The following MRPS33 variants were observed in gnomAD, a reference collection of about 807,000 sequenced individuals.
MRPS33 encodes the protein mitochondrial ribosomal protein S33.
Under a neutral mutation model 11.2 loss-of-function variants are expected in MRPS33, and 11 were observed. The ratio of observed to expected loss-of-function variants is 0.99; its 90% CI spans 0.62 to 1.63. The LOEUF (loss-of-function observed/expected upper bound fraction) is 1.63. Among genes scored for constraint, MRPS33 ranks in the 40% most tolerant of loss-of-function variants. MRPS33 has a pLI of 0.00. For missense variants in MRPS33, 109 were observed against 127.8 expected, an observed-to-expected ratio of 0.85 and a Z score of 0.71; for synonymous variants, 46 against 44.0, an observed-to-expected ratio of 1.05 and a Z score of -0.18.
intron 2 of MRPS33, among the ~76,000 whole-genome samples, chr7:141,008,424 G>A (rs1407580730): frequency 2.6e-5 from 4 of 152,188 alleles, no homozygotes; most frequent in African/African-American, 9.7e-5. Flanking sequence ...AAGAGAGGTA[G>A]TCCCAAAGCA....
chr7:141,012,274 C>T (rs1820695242), intron 1 of MRPS33, among the ~76,000 whole-genome samples: 1 of 149,624 alleles, frequency 6.7e-6, no homozygotes, highest in African/African-American at 2.5e-5. Context: ...AATAGTGCCA[C>T]CTGAAGGCTG....
intron 1 of MRPS33, among the ~76,000 whole-genome samples, chr7:141,011,045 T>G (rs1401087213): frequency 6.6e-6 from 1 of 152,202 alleles, no homozygotes; most frequent in African/African-American, 2.4e-5. Flanking sequence ...CTAAGCAATC[T>G]GCAGCATTAA....
At chr7:141,006,625 C>A in intron 2 of MRPS33, 90 bp from the exon 3 acceptor site, 1 of 1,068,010 alleles carries the variant, frequency 9.4e-7, no homozygotes. Flanking sequence ...TTAGGTCATT[C>A]TGGTTATCGA....
intron 1 of MRPS33, among the ~76,000 whole-genome samples, chr7:141,013,538 CAT>C (rs376504091): frequency 5.9e-5 from 9 of 152,328 alleles, no homozygotes; most frequent in Admixed American, 2.6e-4. Context: ...TGCACAGACA[CAT>C]GTCTCTCACG....
At position 141,010,502 on chromosome 7, in the gene MRPS33, C is replaced by T; in HGVS notation, c.132G>A (p.Lys44=). 1 of 1,614,162 alleles carries T rather than the reference C, an allele frequency of 6.2e-7. No individual in the cohort carries two copies. Among genetic ancestry groups the T allele is most frequent in the African/African-American group, 1.3e-5 (1 of 75,030 alleles). The change falls in exon 2 of 3, where the codon AAG becomes AAA. Residue 44 remains lysine, a synonymous_variant. Coordinates refer to ENST00000324787, the MANE Select transcript of MRPS33 (RefSeq NM_053035.3). ...VKLFSELPLA[K]KKETYDWYPN... Reference sequence around the variant, plus strand: ...GATACCAATCATAAGTCTCCTTCTTCTTGGCCAAGGGCAGTTCACTAAACA... The same window carrying T: ...GATACCAATCATAAGTCTCCTTCTTTTTGGCCAAGGGCAGTTCACTAAACA...
At chr7:141,013,864 A>C (rs1040788172) in intron 1 of MRPS33, among the ~76,000 whole-genome samples, 8 of 152,348 alleles carry the variant, frequency 5.3e-5, no homozygotes, top group African/African-American at 1.9e-4. Flanking sequence ...TATTTCAATA[A>C]GTGGCTTTGT....
Position 141,005,558 on chromosome 7 carries a change from G to T in MRPS33, c.*872C>A, listed in dbSNP as rs1345447032. ...TAGTAGGTGGGGTTTCACCATGTTGGCCAAAATGGTCTCGATCTCTTGACC... is the reference window on the plus strand; with the variant it reads ...TAGTAGGTGGGGTTTCACCATGTTGTCCAAAATGGTCTCGATCTCTTGACC... On this transcript the variant is annotated 3_prime_UTR_variant, in exon 3 of 3. Transcript: ENST00000324787. 4 of 152,062 alleles carry T rather than the reference G, an allele frequency of 2.6e-5. No homozygotes were observed. Among genetic ancestry groups the T allele is most frequent in the African/African-American group, 9.7e-5 (4 of 41,394 alleles). 9.4% of individuals were successfully genotyped at this position (152,062 alleles called of 1,614,324 possible).
chr7:141,006,510 C>T lies in MRPS33; in HGVS notation c.241G>A (p.Glu81Lys). 6.8e-6 allele frequency: 11 copies of T among 1,613,842 alleles called. No individual in the cohort carries two copies. The highest frequency in any genetic ancestry group is 9.3e-6 in the Non-Finnish European group (11 of 1,180,000). Residue 81 changes from glutamate (E) to lysine (K), a missense_variant, in exon 3 of 3, where the codon GAG becomes AAG. Coordinates refer to ENST00000324787, the MANE Select transcript of MRPS33 (RefSeq NM_053035.3). Reference protein sequence around the residue: ...YRDEHQDFMDEQKRLKKLRGK... With the variant: ...YRDEHQDFMDKQKRLKKLRGK... Reference sequence around the variant, plus strand: ...CGAAGCTTCTTTAGTCGTTTTTGCTCATCCATAAAATCCTGATGCTCATCT... The same window carrying T: ...CGAAGCTTCTTTAGTCGTTTTTGCTTATCCATAAAATCCTGATGCTCATCT...
rs1276547971 is a variant in MRPS33, at chr7:141,003,404, T to G, written c.*3026A>C. The G allele has an allele frequency of 1.3e-5, 2 of 152,230 alleles. No homozygotes were observed. The highest frequency in any genetic ancestry group is 3.8e-4 in the East Asian group (2 of 5,204). The allele number at this position is 152,230 out of a possible 1,614,324, so 9.4% of individuals were successfully genotyped here. Reference sequence around the variant, plus strand: ...GTACTTCTGTACAGGCTGTTTTGAGTCACACAGCTTGCTCTATCAATTGAA... The same window carrying G: ...GTACTTCTGTACAGGCTGTTTTGAGGCACACAGCTTGCTCTATCAATTGAA... On this transcript the variant is annotated 3_prime_UTR_variant, in exon 3 of 3. Transcript: ENST00000324787.
intron 1 of MRPS33, among the ~76,000 whole-genome samples, chr7:141,011,927 C>T (rs1314108058): frequency 2.0e-5 from 3 of 151,324 alleles, no homozygotes; most frequent in Non-Finnish European, 1.5e-5. Context: ...GTGGGAGGAT[C>T]GCTTGAGGTC....
intron 1 of MRPS33, among the ~76,000 whole-genome samples, chr7:141,013,150 A>G (rs1200240493): frequency 6.6e-6 from 1 of 152,184 alleles, no homozygotes. Context: ...CTCATTTACA[A>G]AGACTGACAG....
chr7:141,005,059 T>C lies in MRPS33; in HGVS notation c.*1371A>G, dbSNP rs1368887908. On this transcript the variant is annotated 3_prime_UTR_variant, in exon 3 of 3. Transcript: ENST00000324787. ...ACTGTGCCCGGCCAAGCCTTCACAA[T>C]TTCTTTGGAAACTCATTGCTGGAAT... The C allele has an allele frequency of 6.6e-6, 1 of 152,272 alleles. No individual in the cohort carries two copies. Among genetic ancestry groups the C allele is most frequent in the East Asian group, 1.9e-4 (1 of 5,200 alleles). 9.4% of individuals were successfully genotyped at this position (152,272 alleles called of 1,614,324 possible). A position where few individuals can be genotyped will look rare whatever the true frequency, so the allele number is the denominator to read the frequency against.
At chr7:141,014,183 C>T (rs1351589640) in intron 1 of MRPS33, among the ~76,000 whole-genome samples, 1 of 152,206 alleles carries the variant, frequency 6.6e-6, no homozygotes, top group Non-Finnish European at 1.5e-5. Flanking sequence ...CGAGGACAGT[C>T]ATACTATCTG....
At position 141,005,086 on chromosome 7, in the gene MRPS33, C is replaced by T. The variant is rs1371586894; in HGVS notation, c.*1344G>A. ...TCTTTGGAAACTCATTGCTGGAATA[C>T]AATAAAACCAGCAGCGAGCTACTCA... On this transcript the variant is annotated 3_prime_UTR_variant, in exon 3 of 3. Transcript: ENST00000324787. 2.0e-5 allele frequency: 3 copies of T among 152,188 alleles called. No individual in the cohort carries two copies. Among genetic ancestry groups the T allele is most frequent in the African/African-American group, 7.2e-5 (3 of 41,422 alleles). 9.4% of individuals were successfully genotyped at this position (152,188 alleles called of 1,614,324 possible). A position where few individuals can be genotyped will look rare whatever the true frequency, so the allele number is the denominator to read the frequency against.
chr7:141,012,312 T>C (rs1237221865), intron 1 of MRPS33, among the ~76,000 whole-genome samples: 1 of 151,804 alleles, frequency 6.6e-6, no homozygotes, highest in African/African-American at 2.4e-5. Flanking sequence ...AGATCCAACG[T>C]CCACCCCTCC....
chr7:141,005,870 G>T lies in MRPS33; in HGVS notation c.*560C>A, dbSNP rs17624491. The T allele has an allele frequency of 6.6e-6, 1 of 152,658 alleles. No individual in the cohort carries two copies. Among genetic ancestry groups the T allele is most frequent in the Non-Finnish European group, 1.5e-5 (1 of 68,458 alleles). The allele number at this position is 152,658 out of a possible 1,614,324, so 9.5% of individuals were successfully genotyped here. ...GGAGTATTTCTCTTGCTAACCACGT[G>T]TATTACCAGGGCCCCAATATCTTGT... On this transcript the variant is annotated 3_prime_UTR_variant, in exon 3 of 3. Transcript: ENST00000324787.
chr7:141,010,939 T>G (rs1820661272), intron 1 of MRPS33, among the ~76,000 whole-genome samples: 1 of 152,216 alleles, frequency 6.6e-6, no homozygotes, highest in African/African-American at 2.4e-5. Context: ...GGTTATTTAC[T>G]GACAGTCAGT....
chr7:141,010,541 C>A lies in MRPS33; in HGVS notation c.93G>T (p.Met31Ile). Residue 31 changes from methionine to isoleucine, a missense_variant, in exon 2 of 3, where the codon ATG (methionine) becomes ATT (isoleucine). Transcript: ENST00000324787. ...EVTRPTNSKSMKVVKLFSELP... is the reference protein window; with the variant it reads ...EVTRPTNSKSIKVVKLFSELP... ...GTTCACTAAACAGTTTCACCACTTT[C>A]ATAGACTTGGAATTAGTAGGCCTGG... 2 of 1,614,192 alleles carry A rather than the reference C, an allele frequency of 1.2e-6. No homozygotes were observed. The highest frequency in any genetic ancestry group is 1.7e-6 in the Non-Finnish European group (2 of 1,180,030).
rs1400211611 is a variant in MRPS33 at position 141,004,292 on chromosome 7, T to C, written c.*2138A>G. 6 of 152,162 alleles carry C rather than the reference T, an allele frequency of 3.9e-5. No homozygotes were observed. 9.4% of individuals were successfully genotyped at this position (152,162 alleles called of 1,614,324 possible). A position where few individuals can be genotyped will look rare whatever the true frequency, so the allele number is the denominator to read the frequency against. On this transcript the variant is annotated 3_prime_UTR_variant, in exon 3 of 3. Transcript: ENST00000324787. ...TCCAGCTGGTGAGAGTGAGACTCCG[T>C]CTCAAACAAAAAAAAAGGTCTAAAT... is the stretch of plus-strand genomic sequence containing the variant.
Sources: gnomAD v4.1 joint callset for allele counts (sites outside exome capture counted in the v4.1 genomes callset) on GRCh38, gnomAD v4.1.1 for gene constraint, MANE v1.5 for transcripts, NCBI Gene and HGNC (gene_info 2026-07-23, HGNC 2026-07-21) for gene names.